DNM3: variants seen among roughly 807,000 people sequenced by gnomAD.
DNM3 encodes dynamin 3.
In DNM3, 47 loss-of-function variants were observed where a neutral mutation model predicts 101.6. The observed-to-expected ratio is 0.46, with a 90% confidence interval of 0.37 to 0.59. The LOEUF (loss-of-function observed/expected upper bound fraction) is 0.59, where lower values mean the gene tolerates loss of function less well. DNM3 is among the 20% of genes least tolerant of loss of function. The pLI is 0.00. For synonymous variants in DNM3, 385 were observed against 387.9 expected, an observed-to-expected ratio of 0.99 and a Z score of 0.09; for missense variants, 849 against 1,085.7, an observed-to-expected ratio of 0.78 and a Z score of 3.06.
At chr1:172,048,846 T>C (rs942017018) in intron 10 of DNM3, 96 bp downstream of exon 10, 1 of 1,439,882 alleles carries the variant, frequency 6.9e-7, no homozygotes, top group Non-Finnish European at 9.5e-7. Context: ...CCTCACTTTG[T>C]TATAGATGTT....
At chr1:172,374,959 G>A (rs928883765) in intron 17 of DNM3, among the ~76,000 whole-genome samples, 1 of 151,954 alleles carries the variant, frequency 6.6e-6, no homozygotes, top group Admixed American at 6.6e-5. Context: ...AGCTTTAAAA[G>A]TGCCTGTTAA....
intron 1 of DNM3, among the ~76,000 whole-genome samples, chr1:171,863,829 TC>T (rs1467697221): frequency 6.6e-6 from 1 of 152,202 alleles, no homozygotes; most frequent in Admixed American, 6.5e-5. Flanking sequence ...AGTTATCACC[TC>T]TTCTTGAAAG....
intron 17 of DNM3, among the ~76,000 whole-genome samples, chr1:172,362,902 G>T (rs1164950641): frequency 6.6e-6 from 1 of 151,754 alleles, no homozygotes; most frequent in Non-Finnish European, 1.5e-5. Context: ...GTTAATGACT[G>T]CCTTTTTCTT....
chr1:172,015,991 C>T (rs1344454437), intron 4 of DNM3, among the ~76,000 whole-genome samples: 1 of 146,520 alleles, frequency 6.8e-6, no homozygotes, highest in Admixed American at 6.9e-5. Context: ...GCGTGGCCAA[C>T]ATGGTGAAAC....
At chr1:172,026,545 G>C (rs2048217525) in intron 4 of DNM3, among the ~76,000 whole-genome samples, 1 of 152,006 alleles carries the variant, frequency 6.6e-6, no homozygotes. Flanking sequence ...AAATGTTAAG[G>C]GTAGCCAGAG....
chr1:172,321,030 A>T (rs1361148837), intron 16 of DNM3, among the ~76,000 whole-genome samples: 1 of 152,196 alleles, frequency 6.6e-6, no homozygotes, highest in Non-Finnish European at 1.5e-5. Context: ...ATCACCCTGG[A>T]ACTTCACTAT....
intron 4 of DNM3, among the ~76,000 whole-genome samples, chr1:172,018,470 A>T (rs1459377596): frequency 6.6e-6 from 1 of 152,162 alleles, no homozygotes; most frequent in African/African-American, 2.4e-5. Flanking sequence ...CCGACTTATG[A>T]TTATTTAACT....
intron 17 of DNM3, among the ~76,000 whole-genome samples, chr1:172,335,855 G>A (rs2066398763): frequency 6.6e-6 from 1 of 152,074 alleles, no homozygotes; most frequent in Non-Finnish European, 1.5e-5. Context: ...CTCAGTACCT[G>A]GGTGACAGGA....
rs950112201 is a variant in DNM3, at chr1:172,145,717, C to A, written c.1659+14429C>A. ...CAACGACTCAGGTCTTCTAACAAAT[C>A]GCCTCTGGTAGATCCATGCTGTTAG... On this transcript the variant is annotated intron_variant, in intron 14 of 20. Coordinates refer to ENST00000627582, the MANE Select transcript of DNM3 (RefSeq NM_015569.5). Among the ~76,000 whole-genome samples, 15 of 152,172 alleles carry A rather than the reference C, an allele frequency of 9.9e-5. No individual in the cohort carries two copies. In the South Asian group the frequency reaches 3.1e-3, roughly 32 times the overall value.
chr1:172,404,433 C>T (rs1275045365), intron 20 of DNM3, among the ~76,000 whole-genome samples: 1 of 152,076 alleles, frequency 6.6e-6, no homozygotes, highest in Non-Finnish European at 1.5e-5. Flanking sequence ...AGACCTGGCA[C>T]ATAGCAGAAC....
At chr1:172,022,207 A>G (rs574452615) in intron 4 of DNM3, among the ~76,000 whole-genome samples, 1 of 152,302 alleles carries the variant, frequency 6.6e-6, no homozygotes, top group East Asian at 1.9e-4. Flanking sequence ...GCTTGAGAAG[A>G]TAATAGTATC....
chr1:172,030,625 A>T (rs921438669), intron 4 of DNM3, among the ~76,000 whole-genome samples: 2 of 152,108 alleles, frequency 1.3e-5, no homozygotes, highest in African/African-American at 4.8e-5. Flanking sequence ...CCTACAGAAT[A>T]GGAGAAAATT....
chr1:171,983,233 T>A (rs1488533847), intron 2 of DNM3, among the ~76,000 whole-genome samples: 2 of 151,878 alleles, frequency 1.3e-5, no homozygotes, highest in East Asian at 3.9e-4. Flanking sequence ...GGTGGGAACA[T>A]CACTTGAGGC....
intron 16 of DNM3, among the ~76,000 whole-genome samples, chr1:172,316,206 C>A (rs2065345231): frequency 6.6e-6 from 1 of 151,790 alleles, no homozygotes; most frequent in Admixed American, 6.6e-5. Flanking sequence ...TTTGTCACCA[C>A]CAGGCCTGCC....
intron 15 of DNM3, among the ~76,000 whole-genome samples, chr1:172,264,812 T>A (rs2148724571): frequency 1.3e-5 from 2 of 152,278 alleles, no homozygotes; most frequent in Middle Eastern, 3.4e-3. Context: ...GCCTTCCTAA[T>A]GTCACAAAAA....
chr1:172,006,516 C>A (rs930772465), intron 4 of DNM3, among the ~76,000 whole-genome samples: 2 of 152,074 alleles, frequency 1.3e-5, no homozygotes, highest in African/African-American at 4.8e-5. Context: ...TCTCTACTAT[C>A]TGCTTCTTGT....
intron 14 of DNM3, among the ~76,000 whole-genome samples, chr1:172,190,647 T>C (rs1402794835): frequency 6.6e-6 from 1 of 152,162 alleles, no homozygotes; most frequent in Non-Finnish European, 1.5e-5. Context: ...ATAAAAGTGT[T>C]CCTATTTCTC....
intron 1 of DNM3, among the ~76,000 whole-genome samples, chr1:171,867,389 A>G (rs534033877): frequency 6.6e-6 from 1 of 152,326 alleles, no homozygotes; most frequent in East Asian, 1.9e-4. Flanking sequence ...TCGTGCTTCA[A>G]ACCTCACATA....
At chr1:172,056,963 G>C (rs1216611629) in intron 10 of DNM3, among the ~76,000 whole-genome samples, 1 of 151,988 alleles carries the variant, frequency 6.6e-6, no homozygotes, top group Non-Finnish European at 1.5e-5. Flanking sequence ...TTAGACGAAT[G>C]TATAACTAGA....
Sources: gnomAD v4.1 joint callset for allele counts (sites outside exome capture counted in the v4.1 genomes callset) on GRCh38, gnomAD v4.1.1 for gene constraint, MANE v1.5 for transcripts, NCBI Gene and HGNC (gene_info 2026-07-23, HGNC 2026-07-21) for gene names.